The following HEPH variants were observed in gnomAD, a reference collection of about 807,000 sequenced individuals.
HEPH encodes hephaestin.
In HEPH, 69 loss-of-function variants were observed where a neutral mutation model predicts 80.8. That is an observed-to-expected ratio of 0.85 (90% CI 0.70 to 1.04). The LOEUF is 1.04. HEPH is among the 50% of genes least tolerant of loss of function. The probability of loss-of-function intolerance (pLI) is 0.00; values close to 1 mark genes in which losing one functional copy is unlikely to be tolerated. For synonymous variants in HEPH, 431 were observed against 322.8 expected (o/e 1.34, Z -3.60); for missense variants, 1,115 against 891.3 (o/e 1.25, Z -3.20).
rs773615011 is a variant in HEPH, at chrX:66,248,995, G to T, written c.2564-6040G>T. Among the ~76,000 whole-genome samples, 18 of 111,562 alleles carry T rather than the reference G, an allele frequency of 1.6e-4. No homozygotes were observed. In the Admixed American group the frequency reaches 1.7e-3, roughly 11 times the overall value. On this transcript the variant is annotated intron_variant, in intron 15 of 20. Transcript: ENST00000343002. ...CCATCAGTGTTGTGGAGGTGGGTGTGCTGGTGTAGGAGGTTTGAAGAAAAG... is the reference window on the plus strand; with the variant it reads ...CCATCAGTGTTGTGGAGGTGGGTGTTCTGGTGTAGGAGGTTTGAAGAAAAG...
At chrX:66,175,368 T>G (rs763923249) in intron 4 of HEPH, among the ~76,000 whole-genome samples, 37 of 112,136 alleles carry the variant, frequency 3.3e-4, no homozygotes, top group Non-Finnish European at 6.2e-4. Context: ...CTGGTCCAAG[T>G]GCCTATTTTT....
intron 17 of HEPH, among the ~76,000 whole-genome samples, chrX:66,258,254 AG>A (rs2091245384): frequency 8.9e-6 from 1 of 112,034 alleles, no homozygotes; most frequent in Non-Finnish European, 1.9e-5. Context: ...TCATGCAGAC[AG>A]TACTGGAGGA....
At chrX:66,221,213 A>G (rs2089631719) in intron 15 of HEPH, among the ~76,000 whole-genome samples, 1 of 111,686 alleles carries the variant, frequency 9.0e-6, no homozygotes, top group South Asian at 3.8e-4. Flanking sequence ...CGTACCACTC[A>G]CAGTCTACTG....
chrX:66,209,018 T>G (rs767313131), intron 15 of HEPH, among the ~76,000 whole-genome samples: 9 of 110,960 alleles, frequency 8.1e-5, no homozygotes, highest in Non-Finnish European at 1.5e-4. Flanking sequence ...TTTTATTAAT[T>G]CATTCATTGA....
intron 15 of HEPH, among the ~76,000 whole-genome samples, chrX:66,251,731 C>T (rs1366991001): frequency 9.0e-6 from 1 of 111,219 alleles, no homozygotes; most frequent in Non-Finnish European, 1.9e-5. Context: ...GTGTAAATAC[C>T]TTGAGACAGG....
rs1023591595 is a variant in HEPH at position 66,261,760 on chromosome X, A to G, written c.3199+1498A>G. 9.8e-5 allele frequency among the ~76,000 whole-genome samples: 11 copies of G among 111,736 alleles called. No individual in the cohort carries two copies. The East Asian group carries it at 3.1e-3, about 32-fold the overall frequency. On this transcript the variant is annotated intron_variant, in intron 19 of 20. Coordinates refer to ENST00000343002, the MANE Select transcript of HEPH (RefSeq NM_001367233.3). Reference sequence around the variant, plus strand: ...ATGATTGCACATTATGACTTCCTATATAATTTAAAATATTTATTCTCTATC... The same window carrying G: ...ATGATTGCACATTATGACTTCCTATGTAATTTAAAATATTTATTCTCTATC...
chrX:66,246,293 G>T (rs1005784529), intron 15 of HEPH, among the ~76,000 whole-genome samples: 1 of 111,828 alleles, frequency 8.9e-6, no homozygotes. Flanking sequence ...GGAGTGGGTG[G>T]GATTGCCCTT....
intron 17 of HEPH, among the ~76,000 whole-genome samples, chrX:66,257,599 A>C (rs757887008): frequency 2.4e-4 from 27 of 112,453 alleles, no homozygotes; most frequent in African/African-American, 7.7e-4. Context: ...TGTCATTGAC[A>C]TAGATGGGCA....
intron 4 of HEPH, among the ~76,000 whole-genome samples, chrX:66,178,782 TG>T (rs769169448): frequency 8.9e-6 from 1 of 112,394 alleles, no homozygotes; most frequent in Non-Finnish European, 1.9e-5. Context: ...GCCCACTTTT[TG>T]ATGGGGTTGT....
intron 15 of HEPH, among the ~76,000 whole-genome samples, chrX:66,234,787 C>A (rs708967): frequency 0.27 from 29,845 of 109,518 alleles, 3,963 homozygotes; most frequent in African/African-American, 0.51. Context: ...CAGGCACATG[C>A]CACCACACCT....
chrX:66,165,297 GAT>G, intron 1 of HEPH, among the ~76,000 whole-genome samples: 1 of 111,908 alleles, frequency 8.9e-6, no homozygotes, highest in East Asian at 2.8e-4. Flanking sequence ...ACAGACAAGA[GAT>G]AGGATTTGAA....
chrX:66,251,275 C>T (rs1296291480), intron 15 of HEPH, among the ~76,000 whole-genome samples: 1 of 111,959 alleles, frequency 8.9e-6, no homozygotes, highest in Admixed American at 9.5e-5. Flanking sequence ...AAGGAACTGC[C>T]AAACTTTTTT....
At chrX:66,208,816 T>C (rs2088957228) in intron 15 of HEPH, among the ~76,000 whole-genome samples, 1 of 106,543 alleles carries the variant, frequency 9.4e-6, no homozygotes, top group Non-Finnish European at 1.9e-5. Flanking sequence ...GATCTCTATA[T>C]ACCCTTGGAT....
chrX:66,179,869 A>C (rs1291596735), intron 4 of HEPH, among the ~76,000 whole-genome samples: 1 of 111,233 alleles, frequency 9.0e-6, no homozygotes, highest in Non-Finnish European at 1.9e-5. Flanking sequence ...TGTTGCTTTC[A>C]TGTCTGTTTT....
chrX:66,231,457 C>A (rs1424710738), intron 15 of HEPH, among the ~76,000 whole-genome samples: 2 of 106,575 alleles, frequency 1.9e-5, no homozygotes, highest in Non-Finnish European at 3.9e-5. Context: ...TTTCCTTGAG[C>A]AGTGGTTTGT....
At chrX:66,245,765 A>T (rs1478133982) in intron 15 of HEPH, among the ~76,000 whole-genome samples, 1 of 112,146 alleles carries the variant, frequency 8.9e-6, no homozygotes, top group Admixed American at 9.4e-5. Context: ...AAGAACAGAA[A>T]TTATAACAAA....
At chrX:66,204,675 A>T (rs1007066369) in intron 13 of HEPH, among the ~76,000 whole-genome samples, 1 of 112,010 alleles carries the variant, frequency 8.9e-6, no homozygotes, top group African/African-American at 3.2e-5. Flanking sequence ...CTTTGAAAAC[A>T]CTAATTTAAG....
chrX:66,256,184 T>C lies in HEPH; in HGVS notation c.2750T>C (p.Met917Thr). The change falls in exon 17 of 21, where the codon ATG (methionine) becomes ACG (threonine). Residue 917 changes from methionine (M) to threonine (T), a missense_variant. By Grantham distance (81) the Met-to-Thr change is moderately conservative. Coordinates refer to ENST00000343002, the MANE Select transcript of HEPH (RefSeq NM_001367233.3). Reference protein sequence around the residue: ...ILEPHGGRSDMDREFALLFLI... With the variant: ...ILEPHGGRSDTDREFALLFLI... Reference sequence around the variant, plus strand: ...GAGCCCCATGGAGGACGGAGTGACATGGATCGGGAATTTGCATTGTTGTTC... The same window carrying C: ...GAGCCCCATGGAGGACGGAGTGACACGGATCGGGAATTTGCATTGTTGTTC... The C allele has an allele frequency of 8.3e-7, 1 of 1,211,510 alleles. No individual in the cohort carries two copies. The highest frequency in any genetic ancestry group is 1.7e-5 in the African/African-American group (1 of 57,826).
chrX:66,239,646 G>A (rs986556321), intron 15 of HEPH, among the ~76,000 whole-genome samples: 4 of 111,632 alleles, frequency 3.6e-5, no homozygotes, highest in East Asian at 2.8e-4. Context: ...AACCAAGCAG[G>A]ATCTAGACCC....
Sources: gnomAD v4.1 joint callset for allele counts (sites outside exome capture counted in the v4.1 genomes callset) on GRCh38, gnomAD v4.1.1 for gene constraint, MANE v1.5 for transcripts, NCBI Gene and HGNC (gene_info 2026-07-23, HGNC 2026-07-21) for gene names.